TASP1: variants seen among roughly 807,000 people sequenced by gnomAD.
The protein encoded by TASP1 is taspase 1.
A neutral mutation model predicts 56.6 loss-of-function variants in TASP1; 16 were observed. That is an observed-to-expected ratio of 0.28 (90% CI 0.19 to 0.43). TASP1 has a LOEUF of 0.43. Ranked by LOEUF, TASP1 falls within the 20% of genes least tolerant of loss-of-function variation. TASP1 has a pLI of 1.00. For missense variants in TASP1, 393 were observed against 511.6 expected (o/e 0.77, Z 2.24); for synonymous variants, 179 against 184.2 (o/e 0.97, Z 0.23).
chr20:13,484,411 C>T (rs752187544), intron 10 of TASP1, among the ~76,000 whole-genome samples: 8 of 152,112 alleles, frequency 5.3e-5, no homozygotes, highest in Non-Finnish European at 1.0e-4. Flanking sequence ...CCAACCCAAA[C>T]GTCCATCAAT....
chr20:13,590,677 C>T (rs1000899209), intron 4 of TASP1, among the ~76,000 whole-genome samples: 9 of 151,990 alleles, frequency 5.9e-5, no homozygotes, highest in East Asian at 1.9e-4. Context: ...ACCAGCCTGG[C>T]CAACATGGTG....
chr20:13,182,961 C>A, the TASP1 span, among the ~76,000 whole-genome samples: 1 of 152,140 alleles, frequency 6.6e-6, no homozygotes, highest in Non-Finnish European at 1.5e-5. Flanking sequence ...CTCCACGATC[C>A]CTGTATCCAA....
the TASP1 span, among the ~76,000 whole-genome samples, chr20:13,190,848 A>G: frequency 6.6e-6 from 1 of 152,162 alleles, no homozygotes; most frequent in Non-Finnish European, 1.5e-5. Flanking sequence ...GCAAGGGATT[A>G]ATATTCAGAA....
At chr20:13,374,372 G>A in the TASP1 span, among the ~76,000 whole-genome samples, 3 of 148,256 alleles carry the variant, frequency 2.0e-5, no homozygotes, top group Non-Finnish European at 4.4e-5. Flanking sequence ...TTTTGAGACA[G>A]AGTCTTGCTC....
At chr20:13,358,761 C>T in the TASP1 span, among the ~76,000 whole-genome samples, 8 of 147,292 alleles carry the variant, frequency 5.4e-5, 1 homozygote, top group African/African-American at 1.6e-4. Context: ...ACTGCAGGGA[C>T]GCCTCTCTGA....
the TASP1 span, among the ~76,000 whole-genome samples, chr20:13,195,108 G>T: frequency 2.0e-5 from 3 of 152,004 alleles, no homozygotes; most frequent in African/African-American, 7.2e-5. Flanking sequence ...ATGCCTTGGC[G>T]CCCTTAAAAG....
chr20:13,455,421 A>G (rs1018053629), intron 11 of TASP1, among the ~76,000 whole-genome samples: 1 of 152,114 alleles, frequency 6.6e-6, no homozygotes, highest in African/African-American at 2.4e-5. Flanking sequence ...TTGAAGCACT[A>G]AGAAATATAA....
chr20:13,261,746 G>A, the TASP1 span, among the ~76,000 whole-genome samples: 1 of 152,136 alleles, frequency 6.6e-6, no homozygotes, highest in African/African-American at 2.4e-5. Context: ...TTCAATGAGG[G>A]TTCTTAACTT....
intron 11 of TASP1, among the ~76,000 whole-genome samples, chr20:13,452,175 G>A (rs1259646576): frequency 1.3e-5 from 2 of 152,008 alleles, no homozygotes; most frequent in Non-Finnish European, 2.9e-5. Flanking sequence ...GATATTGCAA[G>A]AATTACCAAA....
intron 4 of TASP1, among the ~76,000 whole-genome samples, chr20:13,592,535 T>C (rs966111299): frequency 6.6e-6 from 1 of 152,148 alleles, no homozygotes; most frequent in Non-Finnish European, 1.5e-5. Context: ...TAGGAGATAT[T>C]ACCAAAAATA....
At chr20:13,418,836 A>T (rs937700645) in intron 12 of TASP1, among the ~76,000 whole-genome samples, 8 of 152,244 alleles carry the variant, frequency 5.3e-5, no homozygotes, top group Admixed American at 4.6e-4. Context: ...ACAAAAATGC[A>T]TAACCAGAAT....
chr20:13,581,190 G>T (rs766941846), intron 5 of TASP1, among the ~76,000 whole-genome samples: 10 of 152,022 alleles, frequency 6.6e-5, no homozygotes, highest in Non-Finnish European at 1.5e-4. Flanking sequence ...AGAAAAGAAC[G>T]AATATAAAAT....
rs2041374891 is a variant in TASP1 at position 13,393,516 on chromosome 20, G to A, written c.1171-3064C>T. ...CCTGGACTACACTGAGCACCAGATT[G>A]TCTCCTCCAACAGTGATACCCACTC... is the stretch of plus-strand genomic sequence containing the variant. On this transcript the variant is annotated intron_variant, in intron 13 of 13. Coordinates refer to ENST00000337743, the MANE Select transcript of TASP1 (RefSeq NM_017714.3). 7.6e-6 allele frequency: 6 copies of A among 793,342 alleles called. No individual in the cohort carries two copies. In the East Asian group the frequency reaches 1.0e-4, roughly 13 times the overall value. The allele number at this position is 793,342 out of a possible 1,614,324, so 49.1% of individuals were successfully genotyped here.
the TASP1 span, among the ~76,000 whole-genome samples, chr20:13,158,548 C>G: frequency 6.6e-6 from 1 of 152,192 alleles, no homozygotes; most frequent in Non-Finnish European, 1.5e-5. Flanking sequence ...AAGCACTTGA[C>G]TTGTTTCTCA....
At chr20:13,414,787 A>G (rs2042200364) in intron 13 of TASP1, among the ~76,000 whole-genome samples, 1 of 152,120 alleles carries the variant, frequency 6.6e-6, no homozygotes, top group Admixed American at 6.5e-5. Context: ...TTAGAAATTA[A>G]ATTAAATGAT....
At chr20:13,393,611 C>T in intron 13 of TASP1, 4 of 1,144,022 alleles carry the variant, frequency 3.5e-6, no homozygotes, top group Non-Finnish European at 5.2e-6. Flanking sequence ...CCTGGTGTGA[C>T]AACGAATTTG....
chr20:13,595,841 T>C (rs1298794147), intron 4 of TASP1, among the ~76,000 whole-genome samples: 7 of 152,124 alleles, frequency 4.6e-5, no homozygotes, highest in African/African-American at 7.2e-5. Context: ...AACAAGGATA[T>C]CCAGGGCTTG....
At chr20:13,365,890 G>A in the TASP1 span, among the ~76,000 whole-genome samples, 1 of 152,166 alleles carries the variant, frequency 6.6e-6, no homozygotes, top group Non-Finnish European at 1.5e-5. Context: ...TAGTTAGAAG[G>A]CAGAAGATGA....
At chr20:13,179,824 A>G in the TASP1 span, among the ~76,000 whole-genome samples, 1 of 152,126 alleles carries the variant, frequency 6.6e-6, no homozygotes, top group East Asian at 1.9e-4. Flanking sequence ...GAGTCTCCAG[A>G]TACGGTTTTT....
Sources: gnomAD v4.1 joint callset for allele counts (sites outside exome capture counted in the v4.1 genomes callset) on GRCh38, gnomAD v4.1.1 for gene constraint, MANE v1.5 for transcripts, NCBI Gene and HGNC (gene_info 2026-07-23, HGNC 2026-07-21) for gene names.